GRIK1: variants seen among roughly 807,000 people sequenced by gnomAD.
The protein encoded by GRIK1 is glutamate receptor ionotropic, kainate 1.
Under a neutral mutation model 105.7 loss-of-function variants are expected in GRIK1, and 69 were observed. The observed-to-expected ratio is 0.65, with a 90% CI of 0.54 to 0.80. GRIK1 has a LOEUF of 0.80. GRIK1 is among the 30% of genes least tolerant of loss of function. GRIK1 has a pLI of 0.00. For synonymous variants in GRIK1, 438 were observed against 431.3 expected (o/e 1.02, Z -0.19); for missense variants, 1,109 against 1,167.3 (o/e 0.95, Z 0.73).
chr21:29,625,480 A>G (rs992375410), intron 7 of GRIK1, among the ~76,000 whole-genome samples: 3 of 152,086 alleles, frequency 2.0e-5, no homozygotes, highest in African/African-American at 4.8e-5. Flanking sequence ...ACCAGTTCCC[A>G]AGAGTGGAGT....
chr21:29,903,849 C>T (rs994758182), intron 1 of GRIK1, among the ~76,000 whole-genome samples: 3 of 152,102 alleles, frequency 2.0e-5, no homozygotes, highest in Admixed American at 2.0e-4. Flanking sequence ...ACACTATTTA[C>T]AATAGCAAAG....
intron 1 of GRIK1, among the ~76,000 whole-genome samples, chr21:29,798,527 T>C (rs2038885955): frequency 6.6e-6 from 1 of 152,150 alleles, no homozygotes; most frequent in African/African-American, 2.4e-5. Flanking sequence ...ATATGAGAAC[T>C]CCAAGTGAAT....
At position 29,615,888 on chromosome 21, in the gene GRIK1, A is replaced by T. The variant is rs896179466; in HGVS notation, c.1099-16951T>A. 2.6e-5 allele frequency among the ~76,000 whole-genome samples: 4 copies of T among 152,310 alleles called. No homozygotes were observed. In the East Asian group the frequency reaches 7.7e-4, roughly 29 times the overall value. ...GATTTCCTGCAAGTAACAAGACTTC[A>T]GTGACTCTGGGAAAATCAGTTTACC... is the stretch of plus-strand genomic sequence containing the variant. On this transcript the variant is annotated intron_variant, in intron 7 of 17. Coordinates refer to ENST00000327783, the MANE Select transcript of GRIK1 (RefSeq NM_001330994.2).
At chr21:29,723,899 T>G (rs16984834) in intron 1 of GRIK1, among the ~76,000 whole-genome samples, 3,950 of 152,306 alleles carry the variant, frequency 0.026, 135 homozygotes, top group East Asian at 0.1. Flanking sequence ...TTACTCCTGA[T>G]TTCACTGATG....
intron 1 of GRIK1, among the ~76,000 whole-genome samples, chr21:29,804,496 T>A (rs969919270): frequency 6.6e-6 from 1 of 152,110 alleles, no homozygotes; most frequent in African/African-American, 2.4e-5. Context: ...CTAAGTGCAA[T>A]CTTATTTGAA....
chr21:29,577,203 A>G, intron 13 of GRIK1, 22 bp from the exon 14 acceptor site: 1 of 1,337,152 alleles, frequency 7.5e-7, no homozygotes, highest in Non-Finnish European at 1.1e-6. Flanking sequence ...TCATCAGAGT[A>G]AGGGTGTTAA....
At chr21:29,686,436 C>T (rs1013255077) in intron 3 of GRIK1, among the ~76,000 whole-genome samples, 4 of 152,106 alleles carry the variant, frequency 2.6e-5, no homozygotes, top group African/African-American at 9.7e-5. Context: ...GCATGAAAAC[C>T]CAGAAACCAA....
At chr21:29,630,982 A>G (rs1026621123) in intron 7 of GRIK1, among the ~76,000 whole-genome samples, 2 of 151,448 alleles carry the variant, frequency 1.3e-5, no homozygotes, top group African/African-American at 4.9e-5. Flanking sequence ...TTGTTTTTTT[A>G]TTTTTTGTAG....
At chr21:29,779,345 T>A (rs2066027972) in intron 1 of GRIK1, among the ~76,000 whole-genome samples, 1 of 151,090 alleles carries the variant, frequency 6.6e-6, no homozygotes, top group Non-Finnish European at 1.5e-5. Flanking sequence ...AGTGTGTGTG[T>A]GTGTGTGTGT....
At chr21:29,579,619 T>A (rs1279092534) in intron 13 of GRIK1, among the ~76,000 whole-genome samples, 2 of 152,162 alleles carry the variant, frequency 1.3e-5, no homozygotes, top group Non-Finnish European at 2.9e-5. Flanking sequence ...AGAGGATAAC[T>A]ACCTGGTTCA....
chr21:29,727,171 C>T (rs2064490657), intron 1 of GRIK1, among the ~76,000 whole-genome samples: 1 of 152,158 alleles, frequency 6.6e-6, no homozygotes, highest in Admixed American at 6.5e-5. Flanking sequence ...GGTGATCCAT[C>T]TGCCTCAGCC....
At chr21:29,876,998 T>A (rs951865652) in intron 1 of GRIK1, among the ~76,000 whole-genome samples, 2 of 152,152 alleles carry the variant, frequency 1.3e-5, no homozygotes, top group Non-Finnish European at 2.9e-5. Context: ...AAACACAAAA[T>A]GACAGCTCAA....
intron 14 of GRIK1, among the ~76,000 whole-genome samples, chr21:29,573,124 T>A (rs1051557341): frequency 5.9e-4 from 90 of 152,250 alleles, no homozygotes; most frequent in African/African-American, 1.9e-3. Flanking sequence ...TAAGGGCTAG[T>A]GCACAGGGCG....
At chr21:29,695,781 T>C (rs1181596514) in intron 1 of GRIK1, among the ~76,000 whole-genome samples, 1 of 152,190 alleles carries the variant, frequency 6.6e-6, no homozygotes, top group Non-Finnish European at 1.5e-5. Context: ...CCCAGGCTGC[T>C]ATTTTTTATC....
At chr21:29,707,130 C>T (rs1161466115) in intron 1 of GRIK1, among the ~76,000 whole-genome samples, 1 of 152,214 alleles carries the variant, frequency 6.6e-6, no homozygotes, top group African/African-American at 2.4e-5. Context: ...TCCCGAAGTG[C>T]TGGGATTACA....
At chr21:29,867,800 G>T (rs2068848917) in intron 1 of GRIK1, among the ~76,000 whole-genome samples, 1 of 135,784 alleles carries the variant, frequency 7.4e-6, no homozygotes, top group Non-Finnish European at 1.6e-5. Context: ...GTCGAAAGAA[G>T]AAAGAAAGAA....
chr21:29,798,330 T>C (rs894216042), intron 1 of GRIK1, among the ~76,000 whole-genome samples: 2 of 152,160 alleles, frequency 1.3e-5, no homozygotes, highest in Non-Finnish European at 2.9e-5. Context: ...AAGCTAACAA[T>C]AGGATGGATA....
At chr21:29,812,415 AGAATATCCTT>A (rs928785825) in intron 1 of GRIK1, among the ~76,000 whole-genome samples, 1 of 152,176 alleles carries the variant, frequency 6.6e-6, no homozygotes, top group African/African-American at 2.4e-5. Context: ...TAATAGCAGA[AGAATATCCTT>A]GAATCCTTTG....
chr21:29,540,386 T>A (rs2089949951), intron 16 of GRIK1, among the ~76,000 whole-genome samples: 3 of 152,218 alleles, frequency 2.0e-5, no homozygotes, highest in African/African-American at 7.2e-5. Context: ...GATTCTCACT[T>A]TGTCTCTGAC....
Sources: allele counts gnomAD v4.1 joint callset (sites outside exome capture counted in the v4.1 genomes callset), GRCh38; gene constraint gnomAD v4.1.1; transcripts MANE v1.5; gene names NCBI Gene and HGNC (gene_info 2026-07-23, HGNC 2026-07-21).